Variants in BRINP3 observed in about 807,000 individuals in gnomAD.
BRINP3 encodes BMP/retinoic acid-inducible neural-specific protein 3.
Under a neutral mutation model 71.0 loss-of-function variants are expected in BRINP3, and 19 were observed. The ratio of observed to expected loss-of-function variants is 0.27; its 90% confidence interval spans 0.19 to 0.39. The LOEUF (loss-of-function observed/expected upper bound fraction) is 0.39. Among genes scored for constraint, BRINP3 ranks in the 10% least tolerant of loss-of-function variants. BRINP3 has a pLI of 1.00. For missense variants in BRINP3, 959 were observed against 940.8 expected, an observed-to-expected ratio of 1.02 and a Z score of -0.25; for synonymous variants, 380 against 337.7, an observed-to-expected ratio of 1.13 and a Z score of -1.37.
intron 2 of BRINP3, among the ~76,000 whole-genome samples, chr1:190,341,731 A>C (rs1255638620): frequency 6.6e-6 from 1 of 151,852 alleles, no homozygotes; most frequent in Admixed American, 6.6e-5. Context: ...AAAAAATTAC[A>C]TGCACAAAGA....
At chr1:190,277,339 T>C (rs963906434) in intron 3 of BRINP3, among the ~76,000 whole-genome samples, 109 of 150,866 alleles carry the variant, frequency 7.2e-4, no homozygotes, top group African/African-American at 2.5e-3. Flanking sequence ...TTTGTTCTGC[T>C]CCTCACTGCC....
chr1:190,282,859 C>T (rs1350937823), intron 2 of BRINP3, among the ~76,000 whole-genome samples: 1 of 151,814 alleles, frequency 6.6e-6, no homozygotes, highest in African/African-American at 2.4e-5. Context: ...AGAAATATGA[C>T]TATATGAAGT....
Position 190,312,246 on chromosome 1 carries a change from T to G in BRINP3, c.237-30496A>C, listed in dbSNP as rs1034513348. ...GTTCAATATAAAAAACTCCTAAAAT[T>G]CTTACATAGTTGAAAATGAGCTGTC... is the stretch of plus-strand genomic sequence containing the variant. On this transcript the variant is annotated intron_variant, in intron 2 of 7. Transcript: ENST00000367462. Among the ~76,000 whole-genome samples the G allele has an allele frequency of 6.0e-5, 9 of 150,826 alleles. No individual in the cohort carries two copies. In the Admixed American group the frequency reaches 6.0e-4, roughly 10 times the overall value.
intron 2 of BRINP3, among the ~76,000 whole-genome samples, chr1:190,306,379 A>T (rs1201518391): frequency 6.6e-6 from 1 of 151,878 alleles, no homozygotes; most frequent in Non-Finnish European, 1.5e-5. Context: ...GCACTGAAAC[A>T]TTTTGATTGT....
rs1477197523 is a variant in BRINP3, at chr1:190,133,228, G to C, written c.1184+27440C>G. Among the ~76,000 whole-genome samples, 4 of 152,174 alleles carry C rather than the reference G, an allele frequency of 2.6e-5. No individual in the cohort carries two copies. The South Asian group carries it at 8.3e-4, about 32-fold the overall frequency. On this transcript the variant is annotated intron_variant, in intron 7 of 7. Coordinates refer to ENST00000367462, the MANE Select transcript of BRINP3 (RefSeq NM_199051.3). ...GTAAGACTATACTTGTATTCTCTAA[G>C]AACTTGTAACACTGCATCTATGGGA...
At chr1:190,361,473 G>A (rs1242934368) in intron 2 of BRINP3, among the ~76,000 whole-genome samples, 1 of 152,024 alleles carries the variant, frequency 6.6e-6, no homozygotes, top group Non-Finnish European at 1.5e-5. Context: ...CACTATTTCA[G>A]TTCACTGCAA....
At chr1:190,203,852 G>A (rs918305193) in intron 6 of BRINP3, among the ~76,000 whole-genome samples, 1 of 125,550 alleles carries the variant, frequency 8.0e-6, no homozygotes, top group Admixed American at 8.9e-5. Flanking sequence ...TTTATCTATT[G>A]TGTTATTATT....
intron 3 of BRINP3, among the ~76,000 whole-genome samples, chr1:190,277,771 A>T (rs578175474): frequency 3.0e-4 from 46 of 151,900 alleles, no homozygotes; most frequent in African/African-American, 1.0e-3. Context: ...GCTAGAAATC[A>T]ATATTTCCCA....
At chr1:190,150,281 T>C (rs1297820158) in intron 7 of BRINP3, among the ~76,000 whole-genome samples, 1 of 151,944 alleles carries the variant, frequency 6.6e-6, no homozygotes, top group Non-Finnish European at 1.5e-5. Context: ...TGTGTGTGTG[T>C]GTGTGTGTAC....
intron 2 of BRINP3, among the ~76,000 whole-genome samples, chr1:190,300,889 C>T (rs1008817904): frequency 5.9e-5 from 9 of 151,936 alleles, no homozygotes; most frequent in East Asian, 1.9e-4. Context: ...TCCAAAGGAA[C>T]GCAGTTCCTC....
At chr1:190,429,299 T>C (rs1265699502) in intron 2 of BRINP3, among the ~76,000 whole-genome samples, 2 of 152,148 alleles carry the variant, frequency 1.3e-5, no homozygotes, top group Non-Finnish European at 2.9e-5. Context: ...AATTTAAATG[T>C]ATAGCACTAG....
At chr1:190,355,972 A>G (rs996398343) in intron 2 of BRINP3, among the ~76,000 whole-genome samples, 2 of 151,914 alleles carry the variant, frequency 1.3e-5, no homozygotes, top group Non-Finnish European at 2.9e-5. Flanking sequence ...GTCTATGCAT[A>G]TGCCTATGTC....
Position 190,277,087 on chromosome 1 carries a change from T to TTTTATATATATATATATA in BRINP3, c.427+4472_427+4473insTATATATATATATATAAA, listed in dbSNP as rs1290283215. Reference sequence around the variant, plus strand: ...TTTGATCCTGAAATAAATTTTGGTTTTATATATATATATATATATATATAT... The same window carrying TTTTATATATATATATATA: ...TTTGATCCTGAAATAAATTTTGGTTTTTTATATATATATATATATATATATATATATATATATATATAT... On this transcript the variant is annotated intron_variant, in intron 3 of 7. Coordinates refer to ENST00000367462, the MANE Select transcript of BRINP3 (RefSeq NM_199051.3). Among the ~76,000 whole-genome samples, 88 of 36,036 alleles carry TTTTATATATATATATATA rather than the reference T, an allele frequency of 2.4e-3. 1 individual carries two copies. Among genetic ancestry groups the TTTTATATATATATATATA allele is most frequent in the Non-Finnish European group, 4.9e-3 (74 of 15,028 alleles). The allele number at this position is 36,036 out of a possible 152,430, so 23.6% of individuals were successfully genotyped here.
chr1:190,411,760 A>C lies in BRINP3; in HGVS notation c.236+42895T>G, dbSNP rs547630856. ...AATAAAAAAGGTAGAGTGAAATAAC[A>C]GGATACCTGATAAATATAAAAACAC... On this transcript the variant is annotated intron_variant, in intron 2 of 7. Transcript: ENST00000367462. 2.5e-4 allele frequency among the ~76,000 whole-genome samples: 38 copies of C among 152,356 alleles called. No individual in the cohort carries two copies. In the South Asian group the frequency reaches 7.7e-3, roughly 31 times the overall value.
chr1:190,381,311 G>A (rs574902964), intron 2 of BRINP3, among the ~76,000 whole-genome samples: 14 of 150,298 alleles, frequency 9.3e-5, no homozygotes, highest in East Asian at 3.9e-4. Flanking sequence ...AAAAAACACC[G>A]ACGATCTGTG....
At chr1:190,297,042 T>C (rs1664300996) in intron 2 of BRINP3, among the ~76,000 whole-genome samples, 1 of 151,830 alleles carries the variant, frequency 6.6e-6, no homozygotes, top group Admixed American at 6.6e-5. Flanking sequence ...TTCACAAAAG[T>C]AGAAAAGAGA....
chr1:190,435,480 T>G (rs148098793), intron 2 of BRINP3, among the ~76,000 whole-genome samples: 1 of 152,020 alleles, frequency 6.6e-6, no homozygotes, highest in African/African-American at 2.4e-5. Flanking sequence ...AAAATAATTA[T>G]ATAGGAATAA....
intron 6 of BRINP3, among the ~76,000 whole-genome samples, chr1:190,214,291 T>G (rs1656223937): frequency 6.6e-6 from 1 of 152,074 alleles, no homozygotes; most frequent in Admixed American, 6.6e-5. Context: ...TAACTTGCTT[T>G]TGGTTCATGA....
intron 2 of BRINP3, among the ~76,000 whole-genome samples, chr1:190,307,232 G>A (rs904897884): frequency 3.9e-5 from 5 of 129,042 alleles, no homozygotes; most frequent in African/African-American, 1.1e-4. Flanking sequence ...GCCCTATGAC[G>A]AACTGAGCTC....
Sources: gnomAD v4.1 joint callset for allele counts (sites outside exome capture counted in the v4.1 genomes callset) on GRCh38, gnomAD v4.1.1 for gene constraint, MANE v1.5 for transcripts, NCBI Gene and HGNC (gene_info 2026-07-23, HGNC 2026-07-21) for gene names.